Variants in STUM observed in about 807,000 individuals in gnomAD.
STUM encodes the protein protein stum homolog.
In STUM, 8 loss-of-function variants were observed where a neutral mutation model predicts 15.3. That is an observed-to-expected ratio of 0.52 (90% CI 0.31 to 0.94). STUM has a LOEUF of 0.94. Ranked by LOEUF, STUM falls within the 40% of genes least tolerant of loss-of-function variation. The pLI, the probability that STUM is intolerant of heterozygous loss-of-function variation, is 0.05. For synonymous variants in STUM, 78 were observed against 88.7 expected (o/e 0.88, Z 0.68); for missense variants, 142 against 204.9 (o/e 0.69, Z 1.87).
At chr1:226,596,683 C>T (rs572468782) in intron 1 of STUM, 119 bp from the exon 2 acceptor site, 5 of 868,984 alleles carry the variant, frequency 5.8e-6, no homozygotes, top group African/African-American at 5.0e-5. Flanking sequence ...TGCCAGACAT[C>T]GGTGGTTCTT....
At chr1:226,594,539 ACT>A (rs1194799047) in intron 1 of STUM, among the ~76,000 whole-genome samples, 1 of 152,048 alleles carries the variant, frequency 6.6e-6, no homozygotes, top group Non-Finnish European at 1.5e-5. Flanking sequence ...TTGGCATCTG[ACT>A]CTGGTGGGTT....
At chr1:226,579,640 C>CTT (rs201922389) in intron 1 of STUM, among the ~76,000 whole-genome samples, 1 of 142,614 alleles carries the variant, frequency 7.0e-6, no homozygotes, top group Non-Finnish European at 1.5e-5. Flanking sequence ...TTTTCTTTTT[C>CTT]TTTTTCTTTT....
intron 1 of STUM, among the ~76,000 whole-genome samples, chr1:226,568,286 G>A (rs550200113): frequency 2.6e-5 from 4 of 152,154 alleles, no homozygotes; most frequent in Admixed American, 6.5e-5. Context: ...GCCTCATTCC[G>A]AGGGTGCTGA....
At chr1:226,559,682 G>A (rs755514663) in intron 1 of STUM, among the ~76,000 whole-genome samples, 1 of 152,214 alleles carries the variant, frequency 6.6e-6, no homozygotes, top group African/African-American at 2.4e-5. Context: ...CTTTCAAAGT[G>A]TATGATTCAG....
At chr1:226,579,072 G>T (rs892030639) in intron 1 of STUM, among the ~76,000 whole-genome samples, 4 of 152,180 alleles carry the variant, frequency 2.6e-5, no homozygotes, top group Non-Finnish European at 5.9e-5. Flanking sequence ...CACTTGACCT[G>T]TATGGATGGT....
chr1:226,560,156 C>G (rs1667517687), intron 1 of STUM, among the ~76,000 whole-genome samples: 1 of 152,052 alleles, frequency 6.6e-6, no homozygotes, highest in South Asian at 2.1e-4. Context: ...ACAAACAAGA[C>G]AAAAAAACAC....
chr1:226,562,633 T>A (rs1160747501), intron 1 of STUM, among the ~76,000 whole-genome samples: 1 of 152,182 alleles, frequency 6.6e-6, no homozygotes, highest in African/African-American at 2.4e-5. Flanking sequence ...ATAAACTGGA[T>A]CTGCTCATGG....
At chr1:226,593,680 G>C (rs1488188866) in intron 1 of STUM, among the ~76,000 whole-genome samples, 1 of 152,202 alleles carries the variant, frequency 6.6e-6, no homozygotes, top group African/African-American at 2.4e-5. Context: ...CATCCGGCGA[G>C]AGTAGAAGAA....
Position 226,600,728 on chromosome 1 carries a change from T to G in STUM, c.391+54T>G. 1.3e-6 allele frequency: 2 copies of G among 1,596,160 alleles called. No homozygotes were observed. Among genetic ancestry groups the G allele is most frequent in the Non-Finnish European group, 1.7e-6 (2 of 1,171,450 alleles). On this transcript the variant is annotated intron_variant, in intron 3 of 3. Coordinates refer to ENST00000366788, the MANE Select transcript of STUM (RefSeq NM_001003665.4). This position sits in a 1 kb window ranked among gnomAD's most constrained non-coding sequence, Gnocchi z 5.2. ...CGTGCTGCTGCTTGGGGCCCTCCCC[T>G]CCCCCGAGACCCCCACTCCTGCACA...
In STUM at chr1:226,604,929, G is replaced by GGGT. The variant is rs1668332677; in HGVS notation, c.*2893_*2895dup. 6.6e-6 allele frequency: 1 copy of GGGT among 152,490 alleles called. No individual in the cohort carries two copies. Among genetic ancestry groups the GGGT allele is most frequent in the African/African-American group, 2.4e-5 (1 of 41,570 alleles). The allele number at this position is 152,490 out of a possible 1,614,324, so 9.4% of individuals were successfully genotyped here. A position where few individuals can be genotyped will look rare whatever the true frequency, so the allele number is the denominator to read the frequency against. Reference sequence around the variant, plus strand: ...GTACCAAACTGTGACACTGGGATCAGGGTGGTCATTCCCTTGGGTCAGAGT... The same window carrying GGGT: ...GTACCAAACTGTGACACTGGGATCAGGGTGGTGGTCATTCCCTTGGGTCAGAGT... On this transcript the variant is annotated 3_prime_UTR_variant, in exon 4 of 4. Coordinates refer to ENST00000366788, the MANE Select transcript of STUM (RefSeq NM_001003665.4). The surrounding 1 kb of genome is among the most constrained non-coding windows in gnomAD (Gnocchi z 4.7).
intron 2 of STUM, chr1:226,597,530 C>A: frequency 2.2e-6 from 1 of 461,432 alleles, no homozygotes; most frequent in Non-Finnish European, 4.5e-6. Flanking sequence ...CCATTCATAG[C>A]TGGGATCGTC....
chr1:226,602,456 C>T lies in STUM; in HGVS notation c.*416C>T, dbSNP rs1349137769. On this transcript the variant is annotated 3_prime_UTR_variant, in exon 4 of 4. Transcript: ENST00000366788. ...CAAGGGGACAGGACTGTGGTAGACC[C>T]GTCCTGTGGGACCCCACCTGCCTCA... 6 of 180,844 alleles carry T rather than the reference C, an allele frequency of 3.3e-5. No homozygotes were observed. Among genetic ancestry groups the T allele is most frequent in the South Asian group, 1.4e-4 (1 of 7,294 alleles). The allele number at this position is 180,844 out of a possible 1,614,324, so 11.2% of individuals were successfully genotyped here. A position where few individuals can be genotyped will look rare whatever the true frequency, so the allele number is the denominator to read the frequency against.
chr1:226,562,701 C>A (rs1046969976), intron 1 of STUM, among the ~76,000 whole-genome samples: 1 of 152,128 alleles, frequency 6.6e-6, no homozygotes, highest in Non-Finnish European at 1.5e-5. Flanking sequence ...GGCCTGTATT[C>A]TTCAAAAGCA....
intron 1 of STUM, among the ~76,000 whole-genome samples, chr1:226,582,455 T>C (rs865106): frequency 0.73 from 111,142 of 151,848 alleles, 41,261 homozygotes; most frequent in African/African-American, 0.86. Context: ...ATTAGCTGGG[T>C]GTGGTGGCGG....
intron 1 of STUM, among the ~76,000 whole-genome samples, chr1:226,571,644 CTT>C (rs561646594): frequency 3.5e-5 from 5 of 144,826 alleles, no homozygotes; most frequent in African/African-American, 7.6e-5. Flanking sequence ...TCTTCTTCTT[CTT>C]TTTTTTTTTT....
At chr1:226,580,059 G>T (rs1034826454) in intron 1 of STUM, among the ~76,000 whole-genome samples, 7 of 152,218 alleles carry the variant, frequency 4.6e-5, no homozygotes, top group Non-Finnish European at 4.4e-5. Context: ...GGCAAGAGTT[G>T]ATGGGAACTT....
Position 226,608,138 on chromosome 1 carries a change from C to T in STUM, c.*6098C>T, listed in dbSNP as rs1464786479. ...AGCACCAAACCTGGCTGTGCCCATT[C>T]CCCACAACCCCAGCTTGGCCTCCTG... On this transcript the variant is annotated 3_prime_UTR_variant, in exon 4 of 4. Coordinates refer to ENST00000366788, the MANE Select transcript of STUM (RefSeq NM_001003665.4). This position sits in a 1 kb window ranked among gnomAD's most constrained non-coding sequence, Gnocchi z 4.0. 6.6e-6 allele frequency: 1 copy of T among 152,364 alleles called. No homozygotes were observed. Among genetic ancestry groups the T allele is most frequent in the East Asian group, 1.9e-4 (1 of 5,198 alleles). The allele number at this position is 152,364 out of a possible 1,614,324, so 9.4% of individuals were successfully genotyped here. A position where few individuals can be genotyped will look rare whatever the true frequency, so the allele number is the denominator to read the frequency against.
chr1:226,575,613 A>G (rs1007472289), intron 1 of STUM, among the ~76,000 whole-genome samples: 5 of 152,260 alleles, frequency 3.3e-5, no homozygotes, highest in Non-Finnish European at 7.3e-5. Flanking sequence ...GCAAAGGCCC[A>G]GGCCAGGGCA....
At chr1:226,563,226 A>G (rs1445333702) in intron 1 of STUM, among the ~76,000 whole-genome samples, 1 of 152,270 alleles carries the variant, frequency 6.6e-6, no homozygotes, top group Non-Finnish European at 1.5e-5. Context: ...ACCTAAATCC[A>G]AACTACTGTA....
Sources: allele counts gnomAD v4.1 joint callset (sites outside exome capture counted in the v4.1 genomes callset), GRCh38; gene constraint gnomAD v4.1.1; non-coding constraint Gnocchi (gnomAD v3.1); transcripts MANE v1.5; gene names NCBI Gene and HGNC (gene_info 2026-07-23, HGNC 2026-07-21).